The following OSBPL1A variants were observed in gnomAD, a reference collection of about 807,000 sequenced individuals.
OSBPL1A encodes the protein oxysterol-binding protein-related protein 1.
A neutral mutation model predicts 137.1 loss-of-function variants in OSBPL1A; 80 were observed. That is an observed-to-expected ratio of 0.58 (90% confidence interval 0.49 to 0.70). The LOEUF (loss-of-function observed/expected upper bound fraction) is 0.70. OSBPL1A is among the 30% of genes least tolerant of loss of function. OSBPL1A has a pLI of 0.00. For missense variants in OSBPL1A, 970 were observed against 1,129.4 expected, an observed-to-expected ratio of 0.86 and a Z score of 2.02; for synonymous variants, 365 against 389.7, an observed-to-expected ratio of 0.94 and a Z score of 0.75.
chr18:24,273,769 G>A lies in OSBPL1A; in HGVS notation c.1281+7073C>T, dbSNP rs1274294810. 2.0e-5 allele frequency among the ~76,000 whole-genome samples: 3 copies of A among 152,274 alleles called. No individual in the cohort carries two copies. In the East Asian group the frequency reaches 5.8e-4, roughly 29 times the overall value. On this transcript the variant is annotated intron_variant, in intron 15 of 27. Transcript: ENST00000319481. ...ATGCTATGACAGCCAGGAACTCATG[G>A]AGCAGCAGGGACACCTCACCTAGTT...
intron 4 of OSBPL1A, chr18:24,357,983 A>G (rs1319919145): frequency 3.2e-5 from 5 of 158,016 alleles, no homozygotes; most frequent in Admixed American, 3.1e-4. Context: ...GGCTGCCTGA[A>G]CATTGGGGTC....
chr18:24,229,473 A>G (rs78043268), intron 16 of OSBPL1A, among the ~76,000 whole-genome samples: 48,473 of 152,130 alleles, frequency 0.32, 8,441 homozygotes, highest in Middle Eastern at 0.42. Flanking sequence ...GTTTGGGCTT[A>G]CTCTGTCAGT....
intron 5 of OSBPL1A, among the ~76,000 whole-genome samples, chr18:24,334,777 T>TTATG (rs1366905266): frequency 6.6e-6 from 1 of 152,076 alleles, no homozygotes; most frequent in Non-Finnish European, 1.5e-5. Flanking sequence ...AATATAAAAT[T>TTATG]TATGTATGTA....
At chr18:24,203,163 G>A (rs748447952) in intron 17 of OSBPL1A, among the ~76,000 whole-genome samples, 2 of 152,092 alleles carry the variant, frequency 1.3e-5, no homozygotes, top group Non-Finnish European at 2.9e-5. Context: ...TTTTAGTAGA[G>A]ATGGGGTTTC....
At chr18:24,198,393 T>G (rs182503210) in intron 17 of OSBPL1A, among the ~76,000 whole-genome samples, 11 of 152,306 alleles carry the variant, frequency 7.2e-5, no homozygotes, top group Non-Finnish European at 1.2e-4. Context: ...CTATACTCAT[T>G]TTTATGCACA....
intron 14 of OSBPL1A, among the ~76,000 whole-genome samples, chr18:24,289,723 T>C (rs905940208): frequency 2.6e-5 from 4 of 152,012 alleles, no homozygotes; most frequent in African/African-American, 9.7e-5. Context: ...CCAGCCTGTT[T>C]ATTGGTTAAG....
At position 24,317,152 on chromosome 18, in the gene OSBPL1A, G is replaced by A. The variant is rs1355554605; in HGVS notation, c.867C>T (p.Cys289=). 6.2e-7 allele frequency: 1 copy of A among 1,613,576 alleles called. No homozygotes were observed. The highest frequency in any genetic ancestry group is 1.3e-5 in the African/African-American group (1 of 74,850). The change falls in exon 11 of 28, where the codon TGC becomes TGT. Residue 289 remains cysteine (C), a synonymous_variant. Coordinates refer to ENST00000319481, the MANE Select transcript of OSBPL1A (RefSeq NM_080597.4). ...QGCKHLTQAV[C]TVKSTDSCLF... ...AATGATCCATGTTTCATCCTACCGTGCATACTGCTTGAGTCAGGTGTTTGC... is the reference window on the plus strand; with the variant it reads ...AATGATCCATGTTTCATCCTACCGTACATACTGCTTGAGTCAGGTGTTTGC...
intron 1 of OSBPL1A, among the ~76,000 whole-genome samples, chr18:24,382,930 A>G (rs1906704548): frequency 6.6e-6 from 1 of 152,192 alleles, no homozygotes; most frequent in Admixed American, 6.5e-5. Context: ...TTATAAAACT[A>G]TGAAATTGCA....
Position 24,172,458 on chromosome 18 carries a change from T to G in OSBPL1A, c.2119A>C (p.Asn707His). ...ATATTATGCACACAGCAGGTGGGAT[T>G]TGTCCATGTATATGCCTCATTGTGT... ...LEHNEAYTWT[N>H]PTCCVHNIIV... is the part of the protein sequence containing the mutation. Residue 707 changes from asparagine (N) to histidine (H), a missense_variant, in exon 22 of 28, where the codon AAT becomes CAT. Coordinates refer to ENST00000319481, the MANE Select transcript of OSBPL1A (RefSeq NM_080597.4). 1 of 1,614,048 alleles carries G rather than the reference T, an allele frequency of 6.2e-7. No homozygotes were observed. The highest frequency in any genetic ancestry group is 1.3e-5 in the African/African-American group (1 of 75,056).
intron 14 of OSBPL1A, among the ~76,000 whole-genome samples, chr18:24,284,222 A>AT (rs55683588): frequency 0.29 from 43,632 of 151,776 alleles, 6,799 homozygotes; most frequent in Middle Eastern, 0.36. Context: ...ATAATGTTAC[A>AT]TAAAAAAAAA....
Position 24,351,970 on chromosome 18 carries a change from G to GC in OSBPL1A, c.283-10313dup, listed in dbSNP as rs1434434505. On this transcript the variant is annotated intron_variant, in intron 4 of 27. Transcript: ENST00000319481. ...TTATTTAACCAAAATCTAGTCATAG[G>GC]CTAAGAGAATGAAAAAGGTGAAGTA... Among the ~76,000 whole-genome samples the GC allele has an allele frequency of 3.3e-4, 50 of 152,278 alleles. 1 individual carries two copies. Among genetic ancestry groups the GC allele is most frequent in the African/African-American group, 1.2e-3 (49 of 41,554 alleles).
intron 14 of OSBPL1A, among the ~76,000 whole-genome samples, chr18:24,286,013 C>T (rs908143681): frequency 3.3e-5 from 5 of 152,060 alleles, no homozygotes; most frequent in African/African-American, 1.2e-4. Context: ...AAAAATTAGC[C>T]GGCCATCATG....
intron 18 of OSBPL1A, among the ~76,000 whole-genome samples, chr18:24,182,444 CTGGCTGGTTGCG>C (rs538239648): frequency 2.3e-3 from 349 of 152,326 alleles, no homozygotes; most frequent in Non-Finnish European, 4.0e-3. Context: ...ATGAGGCCTG[CTGGCTGGTTGCG>C]TGGGCGGGTG....
At chr18:24,207,908 C>G (rs1461457951) in intron 17 of OSBPL1A, among the ~76,000 whole-genome samples, 2 of 152,118 alleles carry the variant, frequency 1.3e-5, no homozygotes, top group Admixed American at 1.3e-4. Context: ...ACAACACTGG[C>G]TACGTTTCGT....
At chr18:24,262,203 T>C (rs1461177453) in intron 15 of OSBPL1A, among the ~76,000 whole-genome samples, 3 of 152,196 alleles carry the variant, frequency 2.0e-5, no homozygotes. Context: ...TGCAAAACAA[T>C]GTTTGCAAGG....
intron 17 of OSBPL1A, among the ~76,000 whole-genome samples, chr18:24,211,124 C>T (rs992249047): frequency 2.0e-5 from 3 of 152,052 alleles, no homozygotes; most frequent in Admixed American, 6.5e-5. Context: ...CACCACCACG[C>T]CCAGCTAATT....
intron 13 of OSBPL1A, among the ~76,000 whole-genome samples, chr18:24,308,593 C>T (rs895533472): frequency 6.6e-6 from 1 of 151,788 alleles, no homozygotes; most frequent in African/African-American, 2.4e-5. Context: ...AATAAAACCC[C>T]CACTTTGCTA....
chr18:24,226,930 C>T (rs923394662), intron 16 of OSBPL1A, among the ~76,000 whole-genome samples: 2 of 124,532 alleles, frequency 1.6e-5, no homozygotes, highest in African/African-American at 3.1e-5. Context: ...CCCACTCTGT[C>T]ACCCAGGCTG....
chr18:24,183,718 G>C (rs771930685), intron 18 of OSBPL1A, among the ~76,000 whole-genome samples: 6 of 152,190 alleles, frequency 3.9e-5, no homozygotes, highest in Non-Finnish European at 8.8e-5. Context: ...TTACAGGCGT[G>C]AGCCACCGTG....
Sources: allele counts gnomAD v4.1 joint callset (sites outside exome capture counted in the v4.1 genomes callset), GRCh38; gene constraint gnomAD v4.1.1; transcripts MANE v1.5; gene names NCBI Gene and HGNC (gene_info 2026-07-23, HGNC 2026-07-21).